Variants in CADM2 observed in about 807,000 individuals in gnomAD.
CADM2 encodes the protein cell adhesion molecule 2.
In CADM2, 12 loss-of-function variants were observed where a neutral mutation model predicts 49.8. The ratio of observed to expected loss-of-function variants is 0.24; its 90% CI spans 0.15 to 0.39. The LOEUF is 0.39. Among genes scored for constraint, CADM2 ranks in the 10% least tolerant of loss-of-function variants. The pLI, the probability that CADM2 is intolerant of heterozygous loss-of-function variation, is 1.00. For synonymous variants in CADM2, 214 were observed against 175.4 expected (o/e 1.22, Z -1.74); for missense variants, 378 against 492.3 (o/e 0.77, Z 2.20).
chr3:85,775,843 A>G (rs1363970188), intron 2 of CADM2, among the ~76,000 whole-genome samples: 4 of 151,930 alleles, frequency 2.6e-5, no homozygotes, highest in Non-Finnish European at 5.9e-5. Flanking sequence ...TCATGTCCAC[A>G]TGTTATTAGG....
intron 8 of CADM2, among the ~76,000 whole-genome samples, chr3:86,015,473 G>T (rs1205718259): frequency 1.3e-5 from 2 of 152,144 alleles, no homozygotes; most frequent in Non-Finnish European, 2.9e-5. Context: ...TTTTGAAGAG[G>T]TGCGGGAGGA....
chr3:85,160,425 G>A (rs971938848), intron 1 of CADM2, among the ~76,000 whole-genome samples: 13 of 152,092 alleles, frequency 8.5e-5, no homozygotes, highest in Admixed American at 5.2e-4. Context: ...TTTCCCACTG[G>A]TTTATAAAGT....
At chr3:85,618,476 AT>A (rs1272366128) in intron 1 of CADM2, among the ~76,000 whole-genome samples, 1 of 152,064 alleles carries the variant, frequency 6.6e-6, no homozygotes, top group African/African-American at 2.4e-5. Context: ...AATATTTAGT[AT>A]TTTTTGTACT....
intron 1 of CADM2, among the ~76,000 whole-genome samples, chr3:85,300,755 A>T (rs1224600787): frequency 1.3e-5 from 2 of 152,156 alleles, no homozygotes; most frequent in African/African-American, 2.4e-5. Flanking sequence ...GCTAGAATGT[A>T]CACAGAATAC....
chr3:85,645,274 T>C (rs566677201), intron 1 of CADM2, among the ~76,000 whole-genome samples: 1 of 152,198 alleles, frequency 6.6e-6, no homozygotes, highest in Non-Finnish European at 1.5e-5. Context: ...ACAAATCCGT[T>C]TCAGAAATAT....
chr3:85,649,978 T>G (rs1365214479), intron 1 of CADM2, among the ~76,000 whole-genome samples: 1 of 152,186 alleles, frequency 6.6e-6, no homozygotes, highest in African/African-American at 2.4e-5. Flanking sequence ...GGCATCACTC[T>G]AGACCTCTGT....
intron 6 of CADM2, among the ~76,000 whole-genome samples, chr3:85,934,665 A>C (rs1720982034): frequency 6.6e-6 from 1 of 152,078 alleles, no homozygotes; most frequent in African/African-American, 2.4e-5. Flanking sequence ...TTTATTTTAT[A>C]CTTTATTATT....
intron 1 of CADM2, among the ~76,000 whole-genome samples, chr3:85,073,811 C>A (rs138411436): frequency 6.6e-6 from 1 of 151,850 alleles, no homozygotes. Context: ...TCAATTTGGG[C>A]GCAAAATTTT....
chr3:85,975,585 T>C (rs1726676318), intron 8 of CADM2, among the ~76,000 whole-genome samples: 1 of 151,628 alleles, frequency 6.6e-6, no homozygotes, highest in Non-Finnish European at 1.5e-5. Context: ...TTGCTGACTC[T>C]TCACTCTTTA....
chr3:85,357,679 A>AG (rs2031987814), intron 1 of CADM2, among the ~76,000 whole-genome samples: 1 of 19,720 alleles, frequency 5.1e-5, no homozygotes, highest in South Asian at 1.5e-3. Flanking sequence ...TACCTTCCCA[A>AG]GGTCGCATTC....
At chr3:85,767,960 A>G (rs1459985894) in intron 2 of CADM2, among the ~76,000 whole-genome samples, 4 of 152,126 alleles carry the variant, frequency 2.6e-5, no homozygotes, top group African/African-American at 7.2e-5. Flanking sequence ...AATCTATACA[A>G]CAAAGATAGT....
chr3:85,917,795 T>TACCC (rs1718562607), intron 6 of CADM2, among the ~76,000 whole-genome samples: 2 of 152,102 alleles, frequency 1.3e-5, no homozygotes, highest in African/African-American at 4.8e-5. Flanking sequence ...TCTTCCTGTT[T>TACCC]ATGAGCACGG....
intron 1 of CADM2, among the ~76,000 whole-genome samples, chr3:85,298,248 C>G (rs530573457): frequency 2.0e-4 from 30 of 152,062 alleles, no homozygotes; most frequent in African/African-American, 7.0e-4. Context: ...GCAGGTTTTG[C>G]CTTGAACACA....
chr3:85,544,647 A>G (rs2107070602), intron 1 of CADM2, among the ~76,000 whole-genome samples: 1 of 152,284 alleles, frequency 6.6e-6, no homozygotes, highest in South Asian at 2.1e-4. Context: ...GAGAAAGCGT[A>G]CAGAAGCCCA....
rs565842900 is a variant in CADM2, at chr3:85,033,856, C to T, written c.61+74188C>T. Among the ~76,000 whole-genome samples the T allele has an allele frequency of 1.6e-3, 237 of 152,204 alleles. 1 individual carries two copies. Among genetic ancestry groups the T allele is most frequent in the Non-Finnish European group, 2.7e-3 (186 of 67,988 alleles). On this transcript the variant is annotated intron_variant, in intron 1 of 9. Coordinates refer to ENST00000383699, the MANE Select transcript of CADM2 (RefSeq NM_001167675.2). ...ATGTAGGTTATTCAAACCAGTGTGC[C>T]ACAGGGTAGTTTTGAAACCCACTTC... is the stretch of plus-strand genomic sequence containing the variant.
chr3:85,842,443 AT>A (rs1202366695), intron 3 of CADM2, among the ~76,000 whole-genome samples: 2 of 152,054 alleles, frequency 1.3e-5, no homozygotes, highest in Non-Finnish European at 2.9e-5. Context: ...TATTTTTTTC[AT>A]TTTTAGTTTT....
At chr3:85,993,074 T>TA (rs1728981349) in intron 8 of CADM2, 1 of 152,168 alleles carries the variant, frequency 6.6e-6, no homozygotes, top group African/African-American at 2.4e-5. Flanking sequence ...CACAGTGACT[T>TA]ATGCCTATAA....
intron 1 of CADM2, among the ~76,000 whole-genome samples, chr3:85,141,065 G>A (rs1470596772): frequency 6.6e-6 from 1 of 152,072 alleles, no homozygotes; most frequent in Non-Finnish European, 1.5e-5. Context: ...CATTCAGTAT[G>A]TCATTTTCTT....
At chr3:85,611,164 G>T (rs1270194358) in intron 1 of CADM2, among the ~76,000 whole-genome samples, 2 of 151,730 alleles carry the variant, frequency 1.3e-5, no homozygotes, top group Non-Finnish European at 2.9e-5. Flanking sequence ...TTTTCAACAT[G>T]AATTTTGTGT....
Sources: gnomAD v4.1 joint callset for allele counts (sites outside exome capture counted in the v4.1 genomes callset) on GRCh38, gnomAD v4.1.1 for gene constraint, MANE v1.5 for transcripts, NCBI Gene and HGNC (gene_info 2026-07-23, HGNC 2026-07-21) for gene names.